The following TMEM132B variants were observed in gnomAD, a reference collection of about 807,000 sequenced individuals.
TMEM132B encodes transmembrane protein 132B.
TMEM132B carries 18 observed loss-of-function variants against 90.8 expected under a neutral mutation model. That is an observed-to-expected ratio of 0.20 (90% CI 0.14 to 0.29). The LOEUF (loss-of-function observed/expected upper bound fraction) is 0.29, where lower values mean the gene tolerates loss of function less well. Ranked by LOEUF, TMEM132B falls within the 10% of genes least tolerant of loss-of-function variation. The probability of loss-of-function intolerance (pLI) is 1.00; values close to 1 mark genes in which losing one functional copy is unlikely to be tolerated. For missense variants in TMEM132B, 1,096 were observed against 1,326.8 expected (o/e 0.83, Z 2.70); for synonymous variants, 504 against 523.3 (o/e 0.96, Z 0.50).
At chr12:125,645,492 G>A (rs1248278021) in intron 6 of TMEM132B, among the ~76,000 whole-genome samples, 1 of 152,192 alleles carries the variant, frequency 6.6e-6, no homozygotes, top group Non-Finnish European at 1.5e-5. Context: ...TTTGAAGGTG[G>A]ATTGAGCCAC....
intron 1 of TMEM132B, among the ~76,000 whole-genome samples, chr12:125,238,366 C>CAAAAAAAAAA (rs762032967): frequency 1.3e-4 from 14 of 111,582 alleles, no homozygotes; most frequent in South Asian, 3.0e-4. Context: ...AAAAAAAAAC[C>CAAAAAAAAAA]AAAAAAAAAA....
chr12:125,547,319 T>A (rs1373998743), intron 4 of TMEM132B, among the ~76,000 whole-genome samples: 1 of 151,134 alleles, frequency 6.6e-6, no homozygotes, highest in Non-Finnish European at 1.5e-5. Flanking sequence ...TCATTGTTTT[T>A]AATTTTAGCC....
chr12:125,538,423 A>C (rs1400828232), intron 4 of TMEM132B, among the ~76,000 whole-genome samples: 2 of 152,186 alleles, frequency 1.3e-5, no homozygotes, highest in Non-Finnish European at 2.9e-5. Context: ...CTCACACAAG[A>C]CACACAGACC....
At chr12:125,236,520 A>G (rs1873939673) in intron 1 of TMEM132B, among the ~76,000 whole-genome samples, 1 of 152,154 alleles carries the variant, frequency 6.6e-6, no homozygotes, top group Non-Finnish European at 1.5e-5. Flanking sequence ...CTTATCGGGT[A>G]TAAGTTTATC....
intron 4 of TMEM132B, among the ~76,000 whole-genome samples, chr12:125,563,188 A>AAT (rs1884579357): frequency 6.7e-6 from 1 of 149,948 alleles, no homozygotes; most frequent in African/African-American, 2.4e-5. Flanking sequence ...TAATAATAAT[A>AAT]AAAGTTTGAA....
chr12:125,225,814 C>G (rs1039443666), intron 1 of TMEM132B, among the ~76,000 whole-genome samples: 1 of 152,146 alleles, frequency 6.6e-6, no homozygotes, highest in Middle Eastern at 3.2e-3. Flanking sequence ...CTCCTTCTTA[C>G]TTGCGTTCCA....
intron 4 of TMEM132B, among the ~76,000 whole-genome samples, chr12:125,523,362 G>C (rs141865619): frequency 6.6e-6 from 1 of 151,816 alleles, no homozygotes; most frequent in Non-Finnish European, 1.5e-5. Flanking sequence ...TCCTTGGCTC[G>C]TGGGTCCACG....
At chr12:125,364,177 T>A (rs1422375552) in intron 2 of TMEM132B, among the ~76,000 whole-genome samples, 2 of 152,164 alleles carry the variant, frequency 1.3e-5, no homozygotes, top group Non-Finnish European at 2.9e-5. Flanking sequence ...GGTTGAAGGG[T>A]GTCTAGGGAA....
intron 1 of TMEM132B, among the ~76,000 whole-genome samples, chr12:125,267,216 C>G (rs1874716772): frequency 6.6e-6 from 1 of 152,160 alleles, no homozygotes; most frequent in African/African-American, 2.4e-5. Context: ...GTTTCCATCT[C>G]TTTGCTCTGT....
chr12:125,503,487 G>A (rs1455414966), intron 3 of TMEM132B, among the ~76,000 whole-genome samples: 7 of 152,152 alleles, frequency 4.6e-5, no homozygotes, highest in Non-Finnish European at 7.4e-5. Flanking sequence ...ATCGTTATTT[G>A]AAATAGTTTT....
At chr12:125,450,991 ATG>A (rs558206544) in intron 3 of TMEM132B, among the ~76,000 whole-genome samples, 3 of 151,378 alleles carry the variant, frequency 2.0e-5, no homozygotes, top group Non-Finnish European at 3.0e-5. Flanking sequence ...GAGGGTGTGT[ATG>A]TGTGTGTGTG....
chr12:125,446,204 G>A (rs1881003317), intron 3 of TMEM132B, among the ~76,000 whole-genome samples: 1 of 152,170 alleles, frequency 6.6e-6, no homozygotes, highest in Admixed American at 6.5e-5. Context: ...GACTCCAGCT[G>A]ATGCTTGGCC....
chr12:125,466,576 C>G (rs1198260255), intron 3 of TMEM132B, among the ~76,000 whole-genome samples: 1 of 152,180 alleles, frequency 6.6e-6, no homozygotes, highest in Admixed American at 6.5e-5. Context: ...CATGGCCAGG[C>G]TGGCGTTTCT....
intron 5 of TMEM132B, among the ~76,000 whole-genome samples, chr12:125,589,332 A>T (rs1226413286): frequency 6.6e-6 from 1 of 151,940 alleles, no homozygotes; most frequent in Non-Finnish European, 1.5e-5. Context: ...AATACAAAAA[A>T]TTAGCCGGGC....
intron 1 of TMEM132B, among the ~76,000 whole-genome samples, chr12:125,325,021 CAGAG>C (rs1230069075): frequency 1.6e-4 from 24 of 152,250 alleles, no homozygotes; most frequent in Admixed American, 1.5e-3. Flanking sequence ...CAACGCAAAA[CAGAG>C]AGCTCTTCTG....
chr12:125,466,872 A>G (rs1454250782), intron 3 of TMEM132B, among the ~76,000 whole-genome samples: 3 of 152,234 alleles, frequency 2.0e-5, no homozygotes, highest in African/African-American at 7.2e-5. Flanking sequence ...TTCCACCTTT[A>G]GGAGCTCAGA....
At chr12:125,634,806 A>T (rs1191879595) in intron 5 of TMEM132B, among the ~76,000 whole-genome samples, 1 of 152,170 alleles carries the variant, frequency 6.6e-6, no homozygotes. Context: ...GATGCAAGAC[A>T]AAGTTCTCCC....
intron 3 of TMEM132B, among the ~76,000 whole-genome samples, chr12:125,417,391 G>A (rs951532700): frequency 6.6e-6 from 1 of 152,190 alleles, no homozygotes; most frequent in Non-Finnish European, 1.5e-5. Flanking sequence ...TCCGGGCTTT[G>A]TAGTGGGAAA....
intron 1 of TMEM132B, among the ~76,000 whole-genome samples, chr12:125,335,987 A>G (rs1214759113): frequency 1.3e-5 from 2 of 152,182 alleles, no homozygotes; most frequent in Admixed American, 6.5e-5. Context: ...ACTCCCCCTC[A>G]AAGGAAAAAA....
Sources: allele counts gnomAD v4.1 joint callset (sites outside exome capture counted in the v4.1 genomes callset), GRCh38; gene constraint gnomAD v4.1.1; transcripts MANE v1.5; gene names NCBI Gene and HGNC (gene_info 2026-07-23, HGNC 2026-07-21).